ZNF496: variants seen among roughly 807,000 people sequenced by gnomAD.
ZNF496 encodes zinc finger protein 496, also known as NSD1 (nuclear receptor binding SET-domain containing 1)-interacting zinc finger protein 1.
In ZNF496, 11 loss-of-function variants were observed where a neutral mutation model predicts 58.9. The observed-to-expected ratio is 0.19, with a 90% CI of 0.12 to 0.31. The LOEUF is 0.31. Ranked by LOEUF, ZNF496 falls within the 10% of genes least tolerant of loss-of-function variation. ZNF496 has a pLI of 1.00. For synonymous variants in ZNF496, 338 were observed against 318.2 expected (o/e 1.06, Z -0.66); for missense variants, 660 against 783.0 (o/e 0.84, Z 1.88).
Position 247,299,535 on chromosome 1 carries a change from G to A in ZNF496, c.*984C>T, listed in dbSNP as rs920415907. On this transcript the variant is annotated 3_prime_UTR_variant, in exon 10 of 10. Coordinates refer to ENST00000682384, the MANE Select transcript of ZNF496 (RefSeq NM_032752.3). ...GTGTTTGGACACACCAGCACTCCAA[G>A]CTAATGTATCTATCAAGTGTGTTGT... 1 of 152,270 alleles carries A rather than the reference G, an allele frequency of 6.6e-6. No individual in the cohort carries two copies. 9.4% of individuals were successfully genotyped at this position (152,270 alleles called of 1,614,324 possible).
rs1489702544 is a variant in ZNF496, at chr1:247,323,151, C to T, written c.651+3G>A. 7.4e-6 allele frequency: 12 copies of T among 1,613,424 alleles called. No homozygotes were observed. The highest frequency in any genetic ancestry group is 1.0e-5 in the Non-Finnish European group (12 of 1,179,496). ...TTCAAGGACTCCTGTAGAAACCACT[C>T]ACCGGGGGTAGCTGGAGGGTGGTCA... On this transcript the variant is annotated splice_donor_region_variant and intron_variant, in intron 6 of 9. Transcript: ENST00000682384.
intron 6 of ZNF496, among the ~76,000 whole-genome samples, chr1:247,318,540 C>A (rs368366397): frequency 6.6e-6 from 1 of 152,112 alleles, no homozygotes. Context: ...TGAATGACAG[C>A]AGATTTCTCA....
chr1:247,307,345 C>CA lies in ZNF496; in HGVS notation c.1006+1129dup, dbSNP rs1436901549. On this transcript the variant is annotated intron_variant, in intron 9 of 9. Coordinates refer to ENST00000682384, the MANE Select transcript of ZNF496 (RefSeq NM_032752.3). ...CTGGCTGTTTCAGAGCAGTCTGTGT[C>CA]AGAGTCCAGCAAGGGAAGAATGGAG... The CA allele has an allele frequency of 3.7e-5, 36 of 985,286 alleles. No homozygotes were observed. In the African/African-American group the frequency reaches 5.6e-4, roughly 15 times the overall value. The allele number at this position is 985,286 out of a possible 1,614,324, so 61.0% of individuals were successfully genotyped here.
chr1:247,315,284 C>T (rs1171221042), intron 6 of ZNF496, among the ~76,000 whole-genome samples: 1 of 152,094 alleles, frequency 6.6e-6, no homozygotes, highest in East Asian at 1.9e-4. Flanking sequence ...GGGGAGTGCA[C>T]AGCCCAGTGT....
intron 6 of ZNF496, chr1:247,312,095 T>G (rs1659620339): frequency 6.6e-6 from 1 of 152,262 alleles, no homozygotes; most frequent in Non-Finnish European, 1.5e-5. Context: ...CAACATAGGC[T>G]GACAAATATT....
At chr1:247,319,205 C>G (rs1443095523) in intron 6 of ZNF496, among the ~76,000 whole-genome samples, 1 of 152,222 alleles carries the variant, frequency 6.6e-6, no homozygotes, top group Non-Finnish European at 1.5e-5. Flanking sequence ...CCAGGCTGGT[C>G]TCAAACTCCT....
At chr1:247,311,564 T>C (rs1355538813) in intron 6 of ZNF496, 1 of 152,316 alleles carries the variant, frequency 6.6e-6, no homozygotes, top group Non-Finnish European at 1.5e-5. Flanking sequence ...GTCCTGAACC[T>C]ATGGGTCACA....
In ZNF496 at chr1:247,299,041, G is replaced by A. The variant is rs1659157747; in HGVS notation, c.*1478C>T. On this transcript the variant is annotated 3_prime_UTR_variant, in exon 10 of 10. Transcript: ENST00000682384. ...TCTGAACCCTGCCTTTGATGGAATTGTGAGCAAGCTCACTCAAGTTTGTAT... is the reference window on the plus strand; with the variant it reads ...TCTGAACCCTGCCTTTGATGGAATTATGAGCAAGCTCACTCAAGTTTGTAT... 6.6e-6 allele frequency: 1 copy of A among 152,224 alleles called. No individual in the cohort carries two copies. The highest frequency in any genetic ancestry group is 2.1e-4 in the South Asian group (1 of 4,838). The allele number at this position is 152,224 out of a possible 1,614,324, so 9.4% of individuals were successfully genotyped here.
chr1:247,328,594 C>T (rs1474052510), intron 5 of ZNF496, 89 bp downstream of exon 5: 1 of 1,355,044 alleles, frequency 7.4e-7, no homozygotes, highest in East Asian at 2.5e-5. Context: ...ATGTAAAAGC[C>T]ATCAGCTTAA....
chr1:247,304,591 C>T (rs1466520917), intron 9 of ZNF496, among the ~76,000 whole-genome samples: 3 of 152,092 alleles, frequency 2.0e-5, no homozygotes, highest in African/African-American at 4.8e-5. Flanking sequence ...AGTGCAGTCT[C>T]GAACTACTGA....
intron 9 of ZNF496, among the ~76,000 whole-genome samples, chr1:247,303,724 G>A (rs897827971): frequency 6.6e-6 from 1 of 152,202 alleles, no homozygotes; most frequent in Non-Finnish European, 1.5e-5. Context: ...AGTGAAACGT[G>A]AGATGAGAGA....
Position 247,302,932 on chromosome 1 carries a change from A to G in ZNF496, c.1007-1656T>C, listed in dbSNP as rs1006600969. Among the ~76,000 whole-genome samples the G allele has an allele frequency of 3.3e-5, 5 of 152,212 alleles. No homozygotes were observed. In the East Asian group the frequency reaches 9.6e-4, roughly 29 times the overall value. ...ATGGACTTGGGTGGAAGAAGAAAAC[A>G]AAGTGACAAGGTGGACCGCTAAGAT... On this transcript the variant is annotated intron_variant, in intron 9 of 9. Coordinates refer to ENST00000682384, the MANE Select transcript of ZNF496 (RefSeq NM_032752.3).
chr1:247,307,190 A>T, intron 9 of ZNF496: 1 of 985,448 alleles, frequency 1.0e-6, no homozygotes, highest in Non-Finnish European at 1.2e-6. Context: ...CCTTATCACC[A>T]GCTATCCGGC....
At chr1:247,331,353 G>A (rs548558993) in intron 2 of ZNF496, 79 bp downstream of exon 2, 12 of 152,510 alleles carry the variant, frequency 7.9e-5, no homozygotes, top group Non-Finnish European at 1.8e-4. Flanking sequence ...TGTGGGCCAG[G>A]GAAGGGGGAG....
At chr1:247,323,435 G>A (rs1395802860) in intron 5 of ZNF496, among the ~76,000 whole-genome samples, 4 of 152,106 alleles carry the variant, frequency 2.6e-5, no homozygotes, top group East Asian at 1.9e-4. Context: ...ACAAAATGAC[G>A]CACATGAAAA....
rs374738060 is a variant in ZNF496 at position 247,329,637 on chromosome 1, T to G, written c.-37-22A>C. 23 of 1,511,630 alleles carry G rather than the reference T, an allele frequency of 1.5e-5. No individual in the cohort carries two copies. In the East Asian group the frequency reaches 5.0e-4, roughly 33 times the overall value. The allele number at this position is 1,511,630 out of a possible 1,614,324, so 93.6% of individuals were successfully genotyped here. A position where few individuals can be genotyped will look rare whatever the true frequency, so the allele number is the denominator to read the frequency against. On this transcript the variant is annotated intron_variant, in intron 3 of 9. Coordinates refer to ENST00000682384, the MANE Select transcript of ZNF496 (RefSeq NM_032752.3). The surrounding 1 kb of genome is among the most constrained non-coding windows in gnomAD (Gnocchi z 5.5). ...GACCCTATTTCCAAACAGAAATCACTGGCTTCAGTGTTCTGGTCTCCTGTG... is the reference window on the plus strand; with the variant it reads ...GACCCTATTTCCAAACAGAAATCACGGGCTTCAGTGTTCTGGTCTCCTGTG...
rs372159025 is a variant in ZNF496 at position 247,300,812 on chromosome 1, G to A, written c.1471C>T (p.Leu491Phe). The change falls in exon 10 of 10, where the codon CTC (leucine) becomes TTC (phenylalanine). Residue 491 changes from leucine to phenylalanine, a missense_variant. Leu to Phe is a conservative substitution (Grantham distance 22). Transcript: ENST00000682384. This position sits in a 1 kb window ranked among gnomAD's most constrained non-coding sequence, Gnocchi z 5.7. The stretch of plus-strand genomic sequence containing the variant: ...TGCTCTCTCTTCTCCACCGGCTGGA[G>A]TCTGTCCGGCTGCAGGTGTATCCGC... ...HRRIHLQPDR[L>F]QPVEKREQAA... 60 of 1,605,098 alleles carry A rather than the reference G, an allele frequency of 3.7e-5. No homozygotes were observed. In the African/African-American group the frequency reaches 7.1e-4, roughly 19 times the overall value.
chr1:247,303,930 AAC>A (rs141497785), intron 9 of ZNF496: 140 of 201,328 alleles, frequency 7.0e-4, no homozygotes, highest in African/African-American at 2.9e-3. Context: ...AGAAGCCAGG[AAC>A]AGAGATGAGG....
At chr1:247,322,188 T>A (rs1278881517) in intron 6 of ZNF496, among the ~76,000 whole-genome samples, 1 of 151,860 alleles carries the variant, frequency 6.6e-6, no homozygotes, top group African/African-American at 2.4e-5. Flanking sequence ...GAGACCGAGG[T>A]GGGAGGATGG....
Sources: allele counts gnomAD v4.1 joint callset (sites outside exome capture counted in the v4.1 genomes callset), GRCh38; gene constraint gnomAD v4.1.1; non-coding constraint Gnocchi (gnomAD v3.1); transcripts MANE v1.5; gene names NCBI Gene and HGNC (gene_info 2026-07-23, HGNC 2026-07-21).